TBC1D8B: variants seen among roughly 807,000 people sequenced by gnomAD.
TBC1D8B encodes RP11-321G1.1.
TBC1D8B carries 75 observed loss-of-function variants against 82.9 expected under a neutral mutation model. The ratio of observed to expected loss-of-function variants is 0.90; its 90% CI spans 0.75 to 1.10. The LOEUF (loss-of-function observed/expected upper bound fraction) is 1.10. TBC1D8B is among the 50% of genes least tolerant of loss of function. TBC1D8B has a pLI of 0.00. For missense variants in TBC1D8B, 794 were observed against 796.9 expected, an observed-to-expected ratio of 1.00 and a Z score of 0.04; for synonymous variants, 276 against 276.8, an observed-to-expected ratio of 1.00 and a Z score of 0.03.
At position 106,848,674 on chromosome X, in the gene TBC1D8B, T is replaced by G. The variant is rs182515908; in HGVS notation, c.1837+371T>G. Among the ~76,000 whole-genome samples, 343 of 111,962 alleles carry G rather than the reference T, an allele frequency of 3.1e-3. 4 individuals are homozygous for G. Among genetic ancestry groups the G allele is most frequent in the African/African-American group, 0.011 (335 of 30,893 alleles). Reference sequence around the variant, plus strand: ...GTAGTTTTTTGATGGGAGGGAGATTTCAATCTGCTTAAAATCTCCATATTT... The same window carrying G: ...GTAGTTTTTTGATGGGAGGGAGATTGCAATCTGCTTAAAATCTCCATATTT... On this transcript the variant is annotated intron_variant, in intron 11 of 20. Transcript: ENST00000357242.
In TBC1D8B at chrX:106,841,000, A is replaced by G. The variant is rs1483075156; in HGVS notation, c.1719+116A>G. The stretch of plus-strand genomic sequence containing the variant: ...GGAAAGAGATGGGGGTGAGATAGAT[A>G]GAGCATAGTATTAATGTAAGTAGGA... On this transcript the variant is annotated intron_variant, in intron 10 of 20. Coordinates refer to ENST00000357242, the MANE Select transcript of TBC1D8B (RefSeq NM_017752.3). The G allele has an allele frequency of 2.1e-5, 12 of 565,242 alleles. No homozygotes were observed. The African/African-American group carries it at 2.3e-4, about 11-fold the overall frequency. 46.6% of individuals were successfully genotyped at this position (565,242 alleles called of 1,213,427 possible).
chrX:106,846,951 G>A (rs768867162), intron 10 of TBC1D8B, among the ~76,000 whole-genome samples: 1 of 112,078 alleles, frequency 8.9e-6, no homozygotes, highest in African/African-American at 3.2e-5. Context: ...TAGTTATTAC[G>A]ATTCACAATA....
intron 10 of TBC1D8B, among the ~76,000 whole-genome samples, chrX:106,845,893 A>C (rs1932432119): frequency 1.8e-5 from 2 of 110,098 alleles, no homozygotes; most frequent in African/African-American, 6.6e-5. Context: ...ACACCAGAGG[A>C]GCTCTGTGTC....
intron 14 of TBC1D8B, among the ~76,000 whole-genome samples, chrX:106,855,945 A>T (rs1311775898): frequency 9.0e-6 from 1 of 111,613 alleles, no homozygotes; most frequent in Non-Finnish European, 1.9e-5. Flanking sequence ...CTGCGACGGG[A>T]GGATCACCTT....
intron 1 of TBC1D8B, among the ~76,000 whole-genome samples, chrX:106,817,415 C>T (rs1222412181): frequency 1.8e-5 from 2 of 111,165 alleles, no homozygotes; most frequent in African/African-American, 6.5e-5. Context: ...TTCCAAAATC[C>T]GAAACATTGA....
intron 4 of TBC1D8B, among the ~76,000 whole-genome samples, 155 bp downstream of exon 4, chrX:106,822,357 T>A (rs1354510357): frequency 8.9e-6 from 1 of 111,881 alleles, no homozygotes; most frequent in Non-Finnish European, 1.9e-5. Context: ...AGAACTCTTT[T>A]AAGACTGGTT....
chrX:106,840,105 G>T lies in TBC1D8B; in HGVS notation c.1411G>T (p.Gly471Cys). 8.3e-7 allele frequency: 1 copy of T among 1,209,346 alleles called. No individual in the cohort carries two copies. Among genetic ancestry groups the T allele is most frequent in the Non-Finnish European group, 1.1e-6 (1 of 893,955 alleles). Residue 471 changes from glycine (G) to cysteine (C), a missense_variant, in exon 9 of 21, where the codon GGT (glycine) becomes TGT (cysteine). Coordinates refer to ENST00000357242, the MANE Select transcript of TBC1D8B (RefSeq NM_017752.3). ...AATACTGTTTGCAGAATGTGGACGT[G>T]GTGTTAGTATGTTTCGAACCAAAAA... Reference protein sequence around the residue: ...WKILFAECGRGVSMFRTKKTR... With the variant: ...WKILFAECGRCVSMFRTKKTR...
At chrX:106,862,349 G>A (rs1332387246) in intron 14 of TBC1D8B, among the ~76,000 whole-genome samples, 3 of 111,582 alleles carry the variant, frequency 2.7e-5, no homozygotes, top group Non-Finnish European at 5.6e-5. Context: ...ACCAGTCTTC[G>A]AGTTCTGAGA....
chrX:106,839,987 T>C (rs1283749537), intron 8 of TBC1D8B, 61 bp from the exon 9 acceptor site: 3 of 1,096,115 alleles, frequency 2.7e-6, no homozygotes, highest in Admixed American at 5.5e-5. Flanking sequence ...AGTGGGAAAG[T>C]TATTTTGCAG....
chrX:106,866,909 A>T, intron 17 of TBC1D8B, 47 bp downstream of exon 17: 8 of 943,903 alleles, frequency 8.5e-6, no homozygotes, highest in Non-Finnish European at 1.2e-5. Flanking sequence ...AATTTATTCC[A>T]TTTTAGCAAG....
At chrX:106,824,164 C>A (rs1931774345) in intron 5 of TBC1D8B, among the ~76,000 whole-genome samples, 1 of 111,610 alleles carries the variant, frequency 9.0e-6, no homozygotes, top group Non-Finnish European at 1.9e-5. Flanking sequence ...GCTGAACATT[C>A]TGAACAGTTG....
At position 106,875,268 on chromosome X, in the gene TBC1D8B, T is replaced by C. The variant is rs897126677; in HGVS notation, c.*1303T>C. 8.9e-6 allele frequency: 1 copy of C among 112,053 alleles called. No individual in the cohort carries two copies. The highest frequency in any genetic ancestry group is 1.9e-5 in the Non-Finnish European group (1 of 53,180). The allele number at this position is 112,053 out of a possible 1,213,427, so 9.2% of individuals were successfully genotyped here. Reference sequence around the variant, plus strand: ...TTATAAGCCTTTTGACTTTTCTAGATGTGAAACCATGAAAGGGCAGACCTC... The same window carrying C: ...TTATAAGCCTTTTGACTTTTCTAGACGTGAAACCATGAAAGGGCAGACCTC... On this transcript the variant is annotated 3_prime_UTR_variant, in exon 21 of 21. Coordinates refer to ENST00000357242, the MANE Select transcript of TBC1D8B (RefSeq NM_017752.3).
chrX:106,861,639 T>C (rs1242438456), intron 14 of TBC1D8B, among the ~76,000 whole-genome samples: 5 of 111,756 alleles, frequency 4.5e-5, no homozygotes, highest in African/African-American at 1.6e-4. Flanking sequence ...ATAGGTCTCT[T>C]GAAGACATCA....
At chrX:106,848,933 C>T (rs1027562902) in intron 11 of TBC1D8B, among the ~76,000 whole-genome samples, 2 of 106,104 alleles carry the variant, frequency 1.9e-5, no homozygotes, top group Non-Finnish European at 3.9e-5. Context: ...CCACGCCTGG[C>T]TAATTTTTTT....
intron 15 of TBC1D8B, 73 bp from the exon 16 acceptor site, chrX:106,865,720 G>A: frequency 9.1e-7 from 1 of 1,094,652 alleles, no homozygotes; most frequent in Non-Finnish European, 1.2e-6. Context: ...TATTTTAGCA[G>A]ACATGGTTTT....
rs1932884332 is a variant in TBC1D8B, at chrX:106,875,790, A to G, written c.*1825A>G. 2 of 112,333 alleles carry G rather than the reference A, an allele frequency of 1.8e-5. No individual in the cohort carries two copies. The highest frequency in any genetic ancestry group is 1.9e-4 in the Admixed American group (2 of 10,603). The allele number at this position is 112,333 out of a possible 1,213,427, so 9.3% of individuals were successfully genotyped here. Reference sequence around the variant, plus strand: ...AAGAAAGGTACTTTCTTAAGAGCATATATGTTATTAATATTTGATATGATT... The same window carrying G: ...AAGAAAGGTACTTTCTTAAGAGCATGTATGTTATTAATATTTGATATGATT... On this transcript the variant is annotated 3_prime_UTR_variant, in exon 21 of 21. Transcript: ENST00000357242.
chrX:106,834,820 G>A (rs769922658), intron 7 of TBC1D8B, among the ~76,000 whole-genome samples: 3 of 111,971 alleles, frequency 2.7e-5, no homozygotes, highest in South Asian at 7.5e-4. Flanking sequence ...TCATATCTAG[G>A]TCACACTGAT....
At chrX:106,817,892 T>G (rs1280546777) in intron 1 of TBC1D8B, among the ~76,000 whole-genome samples, 2 of 110,896 alleles carry the variant, frequency 1.8e-5, no homozygotes, top group African/African-American at 3.3e-5. Context: ...AAATGATAAT[T>G]GCTTAGCAAA....
At chrX:106,864,117 C>T (rs952485042) in intron 14 of TBC1D8B, among the ~76,000 whole-genome samples, 1 of 111,277 alleles carries the variant, frequency 9.0e-6, no homozygotes, top group Non-Finnish European at 1.9e-5. Flanking sequence ...TAGAGGTCCC[C>T]TTGGACTTAA....
Sources: gnomAD v4.1 joint callset for allele counts (sites outside exome capture counted in the v4.1 genomes callset) on GRCh38, gnomAD v4.1.1 for gene constraint, MANE v1.5 for transcripts, NCBI Gene and HGNC (gene_info 2026-07-23, HGNC 2026-07-21) for gene names.